Variants in PLCL1 observed in about 807,000 individuals in gnomAD.
PLCL1 encodes phospholipase C like 1 (inactive), also known as inactive phospholipase C-like protein 1.
In PLCL1, 41 loss-of-function variants were observed where a neutral mutation model predicts 84.4. The observed-to-expected ratio is 0.49, with a 90% CI of 0.38 to 0.63. The LOEUF (loss-of-function observed/expected upper bound fraction) is 0.63. PLCL1 is among the 30% of genes least tolerant of loss of function. PLCL1 has a pLI of 0.00. For missense variants in PLCL1, 1,206 were observed against 1,367.8 expected, an observed-to-expected ratio of 0.88 and a Z score of 1.87; for synonymous variants, 490 against 488.3, an observed-to-expected ratio of 1.00 and a Z score of -0.05.
intron 1 of PLCL1, among the ~76,000 whole-genome samples, chr2:197,890,854 TATGTGTATATATA>T (rs1208027249): frequency 7.6e-6 from 1 of 131,206 alleles, no homozygotes; most frequent in African/African-American, 3.1e-5. Context: ...CACGCATATA[TATGTGTATATATA>T]CATATATGCA....
intron 1 of PLCL1, among the ~76,000 whole-genome samples, chr2:198,083,311 A>C (rs1182345887): frequency 6.6e-6 from 1 of 152,218 alleles, no homozygotes; most frequent in Non-Finnish European, 1.5e-5. Flanking sequence ...TGTGATACAA[A>C]GTATGTTAAG....
intron 1 of PLCL1, among the ~76,000 whole-genome samples, chr2:197,976,325 T>C (rs1217172622): frequency 1.3e-5 from 2 of 152,242 alleles, no homozygotes; most frequent in South Asian, 4.1e-4. Flanking sequence ...CCACTTTTGC[T>C]GACTCTCTCT....
intron 1 of PLCL1, among the ~76,000 whole-genome samples, chr2:197,925,775 A>C (rs1378014421): frequency 6.6e-6 from 1 of 150,478 alleles, no homozygotes; most frequent in African/African-American, 2.5e-5. Flanking sequence ...TCTACACCAG[A>C]GCCTCCTGCC....
At chr2:198,018,956 G>C (rs1691067816) in intron 1 of PLCL1, among the ~76,000 whole-genome samples, 1 of 152,210 alleles carries the variant, frequency 6.6e-6, no homozygotes, top group African/African-American at 2.4e-5. Context: ...CCCAGCAGGG[G>C]TCGAGAGACA....
chr2:198,140,079 G>A (rs1282954881), intron 5 of PLCL1, among the ~76,000 whole-genome samples: 2 of 151,964 alleles, frequency 1.3e-5, no homozygotes, highest in Admixed American at 6.6e-5. Context: ...GATTACAGGT[G>A]CCTAACAACA....
chr2:197,925,462 T>C (rs981201762), intron 1 of PLCL1, among the ~76,000 whole-genome samples: 1 of 152,134 alleles, frequency 6.6e-6, no homozygotes, highest in Non-Finnish European at 1.5e-5. Flanking sequence ...ATTTTCAGTT[T>C]CTATTATTTG....
chr2:197,961,376 A>G (rs529759493), intron 1 of PLCL1, among the ~76,000 whole-genome samples: 94 of 151,958 alleles, frequency 6.2e-4, no homozygotes, highest in African/African-American at 2.2e-3. Context: ...TTTTATTTCT[A>G]TTAATTTTGA....
chr2:197,942,700 T>A (rs1689184302), intron 1 of PLCL1, among the ~76,000 whole-genome samples: 1 of 152,226 alleles, frequency 6.6e-6, no homozygotes, highest in Non-Finnish European at 1.5e-5. Context: ...GTAAAGATTC[T>A]GGCTTCCTGC....
At chr2:197,937,398 A>G (rs745846647) in intron 1 of PLCL1, among the ~76,000 whole-genome samples, 1 of 152,288 alleles carries the variant, frequency 6.6e-6, no homozygotes, top group African/African-American at 2.4e-5. Flanking sequence ...ATTTTTTCCA[A>G]TCTATGCGCA....
intron 5 of PLCL1, among the ~76,000 whole-genome samples, chr2:198,109,642 T>C (rs1693568194): frequency 6.6e-6 from 1 of 151,852 alleles, no homozygotes; most frequent in Non-Finnish European, 1.5e-5. Context: ...ACTGATAAAA[T>C]GCTATTTGCA....
chr2:197,890,225 T>G (rs1574933493), intron 1 of PLCL1, among the ~76,000 whole-genome samples: 1 of 152,352 alleles, frequency 6.6e-6, no homozygotes, highest in East Asian at 1.9e-4. Flanking sequence ...CTATATCATT[T>G]CCACTGGAAG....
chr2:197,898,773 A>G (rs1688207259), intron 1 of PLCL1, among the ~76,000 whole-genome samples: 1 of 64,296 alleles, frequency 1.6e-5, no homozygotes, highest in Non-Finnish European at 3.3e-5. Context: ...TTCGAACCTG[A>G]ACTCTGATGC....
At chr2:197,840,856 A>T (rs1179348137) in intron 1 of PLCL1, among the ~76,000 whole-genome samples, 2 of 152,200 alleles carry the variant, frequency 1.3e-5, no homozygotes, top group Admixed American at 1.3e-4. Context: ...CCATGTGAGT[A>T]AACAACAGAA....
intron 1 of PLCL1, among the ~76,000 whole-genome samples, chr2:198,014,040 G>C (rs999238410): frequency 6.6e-6 from 1 of 151,958 alleles, no homozygotes; most frequent in Non-Finnish European, 1.5e-5. Context: ...AGCTGAACTA[G>C]GTAAAAGAAT....
chr2:197,956,490 C>T lies in PLCL1; in HGVS notation c.241-127268C>T, dbSNP rs150353746. On this transcript the variant is annotated intron_variant, in intron 1 of 5. Transcript: ENST00000428675. ...TTCTAGTTCTAGATCCTTGAGGAAT[C>T]GCCACATTTTCTTCCACAATGGTTG... Among the ~76,000 whole-genome samples, 1,040 of 152,244 alleles carry T rather than the reference C, an allele frequency of 6.8e-3. 8 individuals are homozygous for T. The highest frequency in any genetic ancestry group is 0.024 in the African/African-American group (987 of 41,542).
chr2:197,846,315 A>G (rs543744192), intron 1 of PLCL1, among the ~76,000 whole-genome samples: 4 of 152,238 alleles, frequency 2.6e-5, no homozygotes, highest in African/African-American at 9.6e-5. Context: ...TTTGGAGATG[A>G]TTCATATAGA....
intron 1 of PLCL1, among the ~76,000 whole-genome samples, chr2:198,080,507 G>A (rs916918704): frequency 6.6e-6 from 1 of 152,080 alleles, no homozygotes; most frequent in Admixed American, 6.6e-5. Context: ...CCTTCAGTCC[G>A]CTGAGGCACC....
intron 1 of PLCL1, among the ~76,000 whole-genome samples, chr2:197,885,493 G>T (rs959682550): frequency 6.6e-6 from 1 of 152,104 alleles, no homozygotes; most frequent in Non-Finnish European, 1.5e-5. Context: ...CCCACAGTGG[G>T]GAGGGCAATA....
intron 5 of PLCL1, among the ~76,000 whole-genome samples, chr2:198,108,785 G>A (rs895368189): frequency 1.3e-5 from 2 of 151,878 alleles, no homozygotes; most frequent in African/African-American, 2.4e-5. Context: ...TAGCACCTAC[G>A]TGGGTCCAGT....
Sources: allele counts gnomAD v4.1 joint callset (sites outside exome capture counted in the v4.1 genomes callset), GRCh38; gene constraint gnomAD v4.1.1; transcripts MANE v1.5; gene names NCBI Gene and HGNC (gene_info 2026-07-23, HGNC 2026-07-21).